TBRG1: variants seen among roughly 807,000 people sequenced by gnomAD.
TBRG1 encodes transforming growth factor beta regulator 1.
Under a neutral mutation model 44.0 loss-of-function variants are expected in TBRG1, and 31 were observed. The observed-to-expected ratio is 0.70, with a 90% CI of 0.53 to 0.95. The LOEUF (loss-of-function observed/expected upper bound fraction) is 0.95, where lower values mean the gene tolerates loss of function less well. TBRG1 is among the 40% of genes least tolerant of loss of function. The pLI is 0.00. For synonymous variants in TBRG1, 171 were observed against 188.1 expected (o/e 0.91, Z 0.74); for missense variants, 487 against 496.1 (o/e 0.98, Z 0.18).
chr11:124,625,907 C>T lies in TBRG1; in HGVS notation c.454+4C>T, dbSNP rs1591373357. On this transcript the variant is annotated splice_donor_region_variant and intron_variant, in intron 3 of 8. Transcript: ENST00000441174. ...AAAGAGAACAACAAACTGGAAGGTA[C>T]TTTGGGGAGATGATATCAGTTGCCC... The T allele has an allele frequency of 3.8e-6, 6 of 1,563,786 alleles. No individual in the cohort carries two copies. The highest frequency in any genetic ancestry group is 5.2e-6 in the Non-Finnish European group (6 of 1,158,048).
At position 124,623,251 on chromosome 11, in the gene TBRG1, T is replaced by C. The variant is rs1942381195; in HGVS notation, c.150+18T>C. The C allele has an allele frequency of 2.6e-6, 4 of 1,551,372 alleles. No individual in the cohort carries two copies. Among genetic ancestry groups the C allele is most frequent in the Non-Finnish European group, 3.5e-6 (4 of 1,146,974 alleles). Reference sequence around the variant, plus strand: ...CGGTGTTTGTGAGTCTGACCCACGTTCAGCCGGTCCCCTCCTGGAGACTCC... The same window carrying C: ...CGGTGTTTGTGAGTCTGACCCACGTCCAGCCGGTCCCCTCCTGGAGACTCC... On this transcript the variant is annotated intron_variant, in intron 1 of 8. Coordinates refer to ENST00000441174, the MANE Select transcript of TBRG1 (RefSeq NM_032811.3).
chr11:124,623,976 A>G (rs1942399877), intron 1 of TBRG1, among the ~76,000 whole-genome samples: 1 of 152,230 alleles, frequency 6.6e-6, no homozygotes, highest in Non-Finnish European at 1.5e-5. Flanking sequence ...TCTCTCTACC[A>G]AAAGCTTGAA....
chr11:124,633,981 C>T lies in TBRG1; in HGVS notation c.*1743C>T, dbSNP rs565653550. ...AATGCATATACAACTATAGTGTGTA[C>T]GTATACCACATATACATATACTTGT... On this transcript the variant is annotated 3_prime_UTR_variant, in exon 9 of 9. Transcript: ENST00000441174. The T allele has an allele frequency of 1.1e-4, 16 of 152,136 alleles. No homozygotes were observed. The highest frequency in any genetic ancestry group is 3.4e-4 in the African/African-American group (14 of 41,420). 9.4% of individuals were successfully genotyped at this position (152,136 alleles called of 1,614,324 possible). A position where few individuals can be genotyped will look rare whatever the true frequency, so the allele number is the denominator to read the frequency against.
At chr11:124,626,141 CCCCCAACTCT>C (rs1481557905) in intron 3 of TBRG1, among the ~76,000 whole-genome samples, 3 of 152,170 alleles carry the variant, frequency 2.0e-5, no homozygotes, top group Admixed American at 1.3e-4. Context: ...CTTCCCCCTT[CCCCCAACTCT>C]CTGGGTTGCA....
chr11:124,624,866 TC>T, intron 1 of TBRG1, 64 bp from the exon 2 acceptor site: 4 of 1,139,052 alleles, frequency 3.5e-6, no homozygotes, highest in Non-Finnish European at 5.0e-6. Flanking sequence ...TGGATCCTCT[TC>T]CCAGCATAAT....
At chr11:124,625,566 A>G (rs867225973) in intron 2 of TBRG1, 105 bp from the exon 3 acceptor site, 34 of 996,076 alleles carry the variant, frequency 3.4e-5, no homozygotes, top group Middle Eastern at 2.4e-4. Flanking sequence ...TTATGAGTAT[A>G]GTAATCTTTG....
intron 7 of TBRG1, 110 bp downstream of exon 7, chr11:124,630,965 T>C: frequency 2.4e-6 from 2 of 842,084 alleles, no homozygotes; most frequent in Non-Finnish European, 3.9e-6. Flanking sequence ...CCTGCCTGCT[T>C]CTCGACCAGT....
intron 1 of TBRG1, among the ~76,000 whole-genome samples, chr11:124,624,032 G>A (rs527349411): frequency 6.6e-6 from 1 of 152,182 alleles, no homozygotes; most frequent in Non-Finnish European, 1.5e-5. Context: ...TCAGAAATTA[G>A]AATACACATT....
In TBRG1 at chr11:124,626,532, C is replaced by G. The variant is rs772851999; in HGVS notation, c.514C>G (p.Pro172Ala). Reference protein sequence around the residue: ...MAGGARKLVQPIALDPSGRPV... With the variant: ...MAGGARKLVQAIALDPSGRPV... ...GGGAGGTGCTCGCAAGCTGGTTCAG[C>G]CCATTGCCCTGGATCCCTCAGGACG... Residue 172 changes from proline to alanine, a missense_variant, in exon 4 of 9, where the codon CCC (proline) becomes GCC (alanine). Transcript: ENST00000441174. 2.6e-6 allele frequency: 4 copies of G among 1,551,220 alleles called. No individual in the cohort carries two copies. In the South Asian group the frequency reaches 4.8e-5, roughly 18 times the overall value.
At position 124,626,897 on chromosome 11, in the gene TBRG1, T is replaced by G; in HGVS notation, c.592-7T>G. Reference sequence around the variant, plus strand: ...TCAATCCCAGGTTGGGGGAATGTTTTTTATAGATCATCACCGACCGACCTG... The same window carrying G: ...TCAATCCCAGGTTGGGGGAATGTTTGTTATAGATCATCACCGACCGACCTG... On this transcript the variant is annotated splice_polypyrimidine_tract_variant and splice_region_variant and intron_variant, in intron 4 of 8. Coordinates refer to ENST00000441174, the MANE Select transcript of TBRG1 (RefSeq NM_032811.3). 1 of 1,603,578 alleles carries G rather than the reference T, an allele frequency of 6.2e-7. No homozygotes were observed. The highest frequency in any genetic ancestry group is 8.5e-7 in the Non-Finnish European group (1 of 1,174,472).
chr11:124,630,467 G>A lies in TBRG1; in HGVS notation c.818G>A (p.Arg273Lys). 6.2e-7 allele frequency: 1 copy of A among 1,612,868 alleles called. No homozygotes were observed. The highest frequency in any genetic ancestry group is 8.5e-7 in the Non-Finnish European group (1 of 1,178,922). Residue 273 changes from arginine (R) to lysine (K), a missense_variant, in exon 6 of 9, where the codon AGG (arginine) becomes AAG (lysine). Physicochemically the swap from Arg to Lys is conservative, Grantham distance 26 (BLOSUM62 2). Transcript: ENST00000441174. ...SADACHAELL[R>K]TISTTMGKLM... ...GATGCTTGTCATGCAGAACTGCTCA[G>A]GACTATAAGCACTACTATGTAAGTT...
rs1591379947 is a variant in TBRG1, at chr11:124,635,352, G to C, written c.*3114G>C. 1 of 152,180 alleles carries C rather than the reference G, an allele frequency of 6.6e-6. No homozygotes were observed. The highest frequency in any genetic ancestry group is 1.9e-4 in the East Asian group (1 of 5,198). The allele number at this position is 152,180 out of a possible 1,614,324, so 9.4% of individuals were successfully genotyped here. On this transcript the variant is annotated 3_prime_UTR_variant, in exon 9 of 9. Coordinates refer to ENST00000441174, the MANE Select transcript of TBRG1 (RefSeq NM_032811.3). ...GCCAACGTTCCTTGTAAAGTGTGTA[G>C]ATTTTTTGTTTTTTAACTAAATAAA...
chr11:124,623,772 C>T (rs1465197594), intron 1 of TBRG1, among the ~76,000 whole-genome samples: 1 of 152,222 alleles, frequency 6.6e-6, no homozygotes, highest in Non-Finnish European at 1.5e-5. Context: ...TAATTTCCCC[C>T]CTCTAACCTT....
chr11:124,624,536 T>G (rs1369656546), intron 1 of TBRG1, among the ~76,000 whole-genome samples: 1 of 152,116 alleles, frequency 6.6e-6, no homozygotes, highest in Non-Finnish European at 1.5e-5. Flanking sequence ...GAATAGACAG[T>G]TTTCATATTT....
chr11:124,635,735 C>CTT lies in TBRG1; in HGVS notation c.*3498_*3499dup, dbSNP rs1942717542. The CTT allele has an allele frequency of 6.6e-6, 1 of 152,274 alleles. No homozygotes were observed. The highest frequency in any genetic ancestry group is 2.4e-5 in the African/African-American group (1 of 41,548). The allele number at this position is 152,274 out of a possible 1,614,324, so 9.4% of individuals were successfully genotyped here. ...AGGAAAGCTACCCATAGATAGTATT[C>CTT]TTACTCCTTTTCACATGCTTCAAGG... On this transcript the variant is annotated 3_prime_UTR_variant, in exon 9 of 9. Coordinates refer to ENST00000441174, the MANE Select transcript of TBRG1 (RefSeq NM_032811.3).
In TBRG1 at chr11:124,635,065, T is replaced by G. The variant is rs1565404510; in HGVS notation, c.*2827T>G. ...CATAATCATTGCCTGAACCGTATTT[T>G]TCACACTATGTACTCTAGGTTCCTG... is the stretch of plus-strand genomic sequence containing the variant. On this transcript the variant is annotated 3_prime_UTR_variant, in exon 9 of 9. Coordinates refer to ENST00000441174, the MANE Select transcript of TBRG1 (RefSeq NM_032811.3). 6.6e-6 allele frequency: 1 copy of G among 152,360 alleles called. No homozygotes were observed. The highest frequency in any genetic ancestry group is 2.4e-5 in the African/African-American group (1 of 41,590). The allele number at this position is 152,360 out of a possible 1,614,324, so 9.4% of individuals were successfully genotyped here. A position where few individuals can be genotyped will look rare whatever the true frequency, so the allele number is the denominator to read the frequency against.
Position 124,630,736 on chromosome 11 carries a change from C to T in TBRG1, c.837-9C>T, listed in dbSNP as rs772341635. ...GCTCTCAAACTAAAATTATCCCTCT[C>T]CTGTTTAGGGGGAAACTAATGCCTA... On this transcript the variant is annotated splice_polypyrimidine_tract_variant and intron_variant, in intron 6 of 8. Transcript: ENST00000441174. The T allele has an allele frequency of 5.8e-5, 92 of 1,588,068 alleles. No homozygotes were observed. Among genetic ancestry groups the T allele is most frequent in the Non-Finnish European group, 7.7e-5 (90 of 1,162,982 alleles).
chr11:124,631,924 C>T, intron 8 of TBRG1, 169 bp from the exon 9 acceptor site: 2 of 604,346 alleles, frequency 3.3e-6, no homozygotes, highest in Admixed American at 2.9e-5. Context: ...CTTAATGTTT[C>T]AACCAGTTTT....
chr11:124,630,635 T>C (rs1346682175), intron 6 of TBRG1, 110 bp from the exon 7 acceptor site: 1 of 1,027,470 alleles, frequency 9.7e-7, no homozygotes, highest in African/African-American at 1.6e-5. Context: ...GCCTCCACAT[T>C]ATCAAAGTCA....
Sources: allele counts gnomAD v4.1 joint callset (sites outside exome capture counted in the v4.1 genomes callset), GRCh38; gene constraint gnomAD v4.1.1; transcripts MANE v1.5; gene names NCBI Gene and HGNC (gene_info 2026-07-23, HGNC 2026-07-21).